Variants in HIP1 observed in about 807,000 individuals in gnomAD.
HIP1 encodes huntingtin interacting protein 1, also known as huntingtin-interacting protein 1.
Under a neutral mutation model 147.6 loss-of-function variants are expected in HIP1, and 65 were observed. That is an observed-to-expected ratio of 0.44 (90% CI 0.36 to 0.54). The LOEUF is 0.54. Ranked by LOEUF, HIP1 falls within the 20% of genes least tolerant of loss-of-function variation. HIP1 has a pLI of 0.00. For synonymous variants in HIP1, 479 were observed against 504.0 expected, an observed-to-expected ratio of 0.95 and a Z score of 0.67; for missense variants, 1,061 against 1,299.6, an observed-to-expected ratio of 0.82 and a Z score of 2.82.
chr7:75,619,873 G>A (rs1375533506), intron 1 of HIP1, among the ~76,000 whole-genome samples: 2 of 152,152 alleles, frequency 1.3e-5, no homozygotes, highest in Non-Finnish European at 2.9e-5. Context: ...AACTGGCCCA[G>A]TATAGATGGT....
intron 1 of HIP1, among the ~76,000 whole-genome samples, chr7:75,656,539 A>G (rs540891608): frequency 1.2e-4 from 19 of 152,088 alleles, no homozygotes; most frequent in African/African-American, 4.1e-4. Flanking sequence ...GTGCAATGGC[A>G]TGATCTCGGC....
intron 7 of HIP1, among the ~76,000 whole-genome samples, chr7:75,576,112 T>A (rs1795838324): frequency 6.6e-6 from 1 of 152,174 alleles, no homozygotes; most frequent in Non-Finnish European, 1.5e-5. Context: ...CCCTTTGGCA[T>A]CCAGAAACAT....
intron 1 of HIP1, among the ~76,000 whole-genome samples, chr7:75,726,784 C>A (rs1446200024): frequency 1.3e-5 from 2 of 149,750 alleles, no homozygotes; most frequent in African/African-American, 4.9e-5. Context: ...TCTCGGTTCA[C>A]TGCAACCTCC....
intron 1 of HIP1, among the ~76,000 whole-genome samples, chr7:75,715,856 T>A (rs903554446): frequency 2.0e-5 from 3 of 148,658 alleles, no homozygotes; most frequent in African/African-American, 7.4e-5. Context: ...TCACATCTGC[T>A]TAGCTTTAGG....
chr7:75,721,522 C>T (rs1801504024), intron 1 of HIP1, among the ~76,000 whole-genome samples: 1 of 150,474 alleles, frequency 6.6e-6, no homozygotes, highest in Non-Finnish European at 1.5e-5. Context: ...CAGCAAGACC[C>T]TGTCTCAAAA....
chr7:75,589,717 A>AG (rs1563225474), intron 4 of HIP1, among the ~76,000 whole-genome samples: 1 of 47,974 alleles, frequency 2.1e-5, no homozygotes, highest in Non-Finnish European at 4.0e-5. Context: ...AAAAAAAAAG[A>AG]CTTTTTTTTT....
chr7:75,535,024 CA>C lies in HIP1; in HGVS notation c.*3147del, dbSNP rs1794032040. 4.8e-6 allele frequency: 1 copy of C among 208,790 alleles called. No homozygotes were observed. Among genetic ancestry groups the C allele is most frequent in the Non-Finnish European group, 9.7e-6 (1 of 102,574 alleles). 12.9% of individuals were successfully genotyped at this position (208,790 alleles called of 1,614,324 possible). A position where few individuals can be genotyped will look rare whatever the true frequency, so the allele number is the denominator to read the frequency against. Reference sequence around the variant, plus strand: ...TCTTCATCTTCATTTTTAGAAGAGTCACAATAGGACAATTTGATTTTGTCTA... The same window carrying C: ...TCTTCATCTTCATTTTTAGAAGAGTCCAATAGGACAATTTGATTTTGTCTA... On this transcript the variant is annotated 3_prime_UTR_variant, in exon 31 of 31. Coordinates refer to ENST00000336926, the MANE Select transcript of HIP1 (RefSeq NM_005338.7).
chr7:75,580,746 C>G (rs149895298), intron 7 of HIP1, among the ~76,000 whole-genome samples: 1 of 151,892 alleles, frequency 6.6e-6, no homozygotes, highest in Non-Finnish European at 1.5e-5. Context: ...CTCTCTCTCT[C>G]TCTTTTTTCT....
chr7:75,591,358 T>G (rs1796495213), intron 4 of HIP1, among the ~76,000 whole-genome samples: 1 of 151,966 alleles, frequency 6.6e-6, no homozygotes, highest in Non-Finnish European at 1.5e-5. Flanking sequence ...AAATGCAGAT[T>G]ACCCCTCTCC....
In HIP1 at chr7:75,571,162, C is replaced by G. The variant is rs140006518; in HGVS notation, c.745+2599G>C. Among the ~76,000 whole-genome samples the G allele has an allele frequency of 4.6e-5, 7 of 152,268 alleles. No individual in the cohort carries two copies. In the East Asian group the frequency reaches 1.3e-3, roughly 29 times the overall value. On this transcript the variant is annotated intron_variant, in intron 8 of 30. Transcript: ENST00000336926. Reference sequence around the variant, plus strand: ...TAAACCCAAACACTTATACCTGTCTCTTCTCATAACTCCCTCAGCCTCCAG... The same window carrying G: ...TAAACCCAAACACTTATACCTGTCTGTTCTCATAACTCCCTCAGCCTCCAG...
intron 5 of HIP1, among the ~76,000 whole-genome samples, chr7:75,582,808 C>T (rs1437339405): frequency 2.0e-5 from 3 of 151,870 alleles, no homozygotes; most frequent in Non-Finnish European, 4.4e-5. Context: ...CCGTCTCCCC[C>T]ACCGCAAAAA....
intron 1 of HIP1, among the ~76,000 whole-genome samples, chr7:75,688,162 C>T (rs1242902961): frequency 1.3e-5 from 2 of 152,192 alleles, no homozygotes; most frequent in Non-Finnish European, 2.9e-5. Flanking sequence ...CTTCCCTCAT[C>T]CTGGATGCAA....
intron 1 of HIP1, among the ~76,000 whole-genome samples, chr7:75,633,820 C>T (rs1429131049): frequency 3.3e-5 from 5 of 152,196 alleles, no homozygotes; most frequent in Non-Finnish European, 7.3e-5. Flanking sequence ...CTTTTCCGCT[C>T]TGCCATCAAT....
intron 1 of HIP1, among the ~76,000 whole-genome samples, chr7:75,611,104 A>G (rs1424880175): frequency 1.3e-5 from 2 of 150,278 alleles, no homozygotes; most frequent in Non-Finnish European, 3.0e-5. Flanking sequence ...TTTTTAGTAG[A>G]GACAGGGTTT....
intron 1 of HIP1, among the ~76,000 whole-genome samples, chr7:75,667,140 A>C (rs952101840): frequency 6.6e-6 from 1 of 152,138 alleles, no homozygotes; most frequent in Non-Finnish European, 1.5e-5. Context: ...ATTAACAGGA[A>C]AAAAATGTTA....
chr7:75,651,735 T>C (rs1798996090), intron 1 of HIP1, among the ~76,000 whole-genome samples: 1 of 152,196 alleles, frequency 6.6e-6, no homozygotes, highest in Non-Finnish European at 1.5e-5. Flanking sequence ...TCTCTGTCTA[T>C]AAAACAAGGC....
intron 1 of HIP1, among the ~76,000 whole-genome samples, chr7:75,619,912 C>T (rs1367470217): frequency 2.6e-5 from 4 of 152,148 alleles, no homozygotes; most frequent in Non-Finnish European, 4.4e-5. Flanking sequence ...AGATACCACC[C>T]CTGCTCTCTG....
intron 9 of HIP1, among the ~76,000 whole-genome samples, chr7:75,567,817 A>T (rs1016767698): frequency 1.5e-4 from 22 of 151,628 alleles, no homozygotes; most frequent in East Asian, 1.2e-3. Flanking sequence ...TTTAAAAAAA[A>T]TTTTTTTTTA....
At chr7:75,606,222 A>G (rs928273805) in intron 1 of HIP1, among the ~76,000 whole-genome samples, 2 of 152,278 alleles carry the variant, frequency 1.3e-5, no homozygotes, top group Admixed American at 6.6e-5. Context: ...GAAATGACCC[A>G]ATATAATGTG....
Sources: gnomAD v4.1 joint callset for allele counts (sites outside exome capture counted in the v4.1 genomes callset) on GRCh38, gnomAD v4.1.1 for gene constraint, MANE v1.5 for transcripts, NCBI Gene and HGNC (gene_info 2026-07-23, HGNC 2026-07-21) for gene names.